The following CADPS2 variants were observed in gnomAD, a reference collection of about 807,000 sequenced individuals.
CADPS2 encodes the protein calcium dependent secretion activator 2.
In CADPS2, 93 loss-of-function variants were observed where a neutral mutation model predicts 172.5. The observed-to-expected ratio is 0.54, with a 90% CI of 0.46 to 0.64. CADPS2 has a LOEUF of 0.64. CADPS2 is among the 30% of genes least tolerant of loss of function. CADPS2 has a pLI of 0.00. For missense variants in CADPS2, 1,420 were observed against 1,565.9 expected (o/e 0.91, Z 1.57); for synonymous variants, 546 against 555.2 (o/e 0.98, Z 0.23).
At chr7:122,586,806 T>A (rs1483537758) in intron 6 of CADPS2, among the ~76,000 whole-genome samples, 2 of 152,012 alleles carry the variant, frequency 1.3e-5, no homozygotes, top group Non-Finnish European at 2.9e-5. Context: ...AAGAATCTAT[T>A]TCCTTTATAT....
intron 3 of CADPS2, among the ~76,000 whole-genome samples, chr7:122,663,006 T>C (rs1281987746): frequency 6.6e-6 from 1 of 152,148 alleles, no homozygotes; most frequent in Non-Finnish European, 1.5e-5. Context: ...GTAGGACACA[T>C]GGGGATGATT....
rs995881207 is a variant in CADPS2 at position 122,490,026 on chromosome 7, T to C, written c.1852+55A>G. The C allele has an allele frequency of 9.5e-6, 14 of 1,474,872 alleles. 1 individual carries two copies. The highest frequency in any genetic ancestry group is 1.3e-5 in the Non-Finnish European group (14 of 1,063,044). 91.4% of individuals were successfully genotyped at this position (1,474,872 alleles called of 1,614,324 possible). ...ATACTGAATACATTTGCCTCAATTT[T>C]ATATCTTATTAAGGCTATTAATTGA... On this transcript the variant is annotated intron_variant, in intron 11 of 29. Transcript: ENST00000449022.
chr7:122,789,894 T>A (rs1353469628), intron 1 of CADPS2, among the ~76,000 whole-genome samples: 4 of 152,098 alleles, frequency 2.6e-5, no homozygotes, highest in Non-Finnish European at 4.4e-5. Flanking sequence ...CAAATAAGCA[T>A]GTCATAGAAA....
chr7:122,831,749 A>T (rs2140615538), intron 1 of CADPS2, among the ~76,000 whole-genome samples: 1 of 152,284 alleles, frequency 6.6e-6, no homozygotes, highest in South Asian at 2.1e-4. Context: ...GTAAGAGGGG[A>T]CCATACAGAA....
At chr7:122,807,863 T>C (rs959618195) in intron 1 of CADPS2, among the ~76,000 whole-genome samples, 25 of 152,192 alleles carry the variant, frequency 1.6e-4, no homozygotes, top group Admixed American at 2.6e-4. Context: ...CAAAAAGGCC[T>C]CATTTTAATG....
chr7:122,838,635 C>A (rs957225573), intron 1 of CADPS2, among the ~76,000 whole-genome samples: 23 of 151,856 alleles, frequency 1.5e-4, no homozygotes, highest in African/African-American at 5.3e-4. Flanking sequence ...AAACCAATAA[C>A]AGACAAACAG....
At chr7:122,795,906 G>C (rs1009661242) in intron 1 of CADPS2, among the ~76,000 whole-genome samples, 1 of 152,126 alleles carries the variant, frequency 6.6e-6, no homozygotes, top group African/African-American at 2.4e-5. Context: ...AATAGGAAGA[G>C]AGAAAGTCAA....
chr7:122,412,075 T>C (rs965795795), intron 19 of CADPS2, among the ~76,000 whole-genome samples: 16 of 152,222 alleles, frequency 1.1e-4, no homozygotes, highest in Admixed American at 7.9e-4. Flanking sequence ...ACTGCTGAAA[T>C]GGGAATTCTA....
intron 1 of CADPS2, among the ~76,000 whole-genome samples, chr7:122,849,272 C>G (rs1812860171): frequency 6.6e-6 from 1 of 152,218 alleles, no homozygotes. Flanking sequence ...TCTCCTCAAT[C>G]TGTAAAATAT....
chr7:122,794,374 C>T (rs1268052150), intron 1 of CADPS2, among the ~76,000 whole-genome samples: 1 of 151,970 alleles, frequency 6.6e-6, no homozygotes, highest in Non-Finnish European at 1.5e-5. Flanking sequence ...GAGATTCTTT[C>T]CTCCACCTGG....
chr7:122,531,585 CTCAGT>C (rs908095531), intron 8 of CADPS2, among the ~76,000 whole-genome samples: 8 of 152,288 alleles, frequency 5.3e-5, no homozygotes, highest in African/African-American at 7.2e-5. Flanking sequence ...TAAAACTGGT[CTCAGT>C]TGAGTCTCAA....
intron 2 of CADPS2, among the ~76,000 whole-genome samples, chr7:122,697,508 C>G (rs1259344962): frequency 6.6e-6 from 1 of 151,944 alleles, no homozygotes; most frequent in Admixed American, 6.6e-5. Context: ...TAAGTTTGTC[C>G]TTAGCTTTAA....
chr7:122,856,071 T>G (rs556708621), intron 1 of CADPS2, among the ~76,000 whole-genome samples: 1 of 152,264 alleles, frequency 6.6e-6, no homozygotes, highest in African/African-American at 2.4e-5. Context: ...ATAGATACCT[T>G]TGCAGGCAGT....
intron 2 of CADPS2, among the ~76,000 whole-genome samples, chr7:122,723,536 T>C (rs2090727596): frequency 6.6e-6 from 1 of 152,124 alleles, no homozygotes; most frequent in South Asian, 2.1e-4. Flanking sequence ...CAACAGGTGC[T>C]GGAGAGGATG....
rs2089436462 is a variant in CADPS2, at chr7:122,715,345, A to T, written c.453+21610T>A. Among the ~76,000 whole-genome samples, 3 of 152,074 alleles carry T rather than the reference A, an allele frequency of 2.0e-5. No individual in the cohort carries two copies. In the South Asian group the frequency reaches 6.2e-4, roughly 32 times the overall value. On this transcript the variant is annotated intron_variant, in intron 2 of 29. Coordinates refer to ENST00000449022, the MANE Select transcript of CADPS2 (RefSeq NM_017954.11). ...TAGTTAGGACTGGTTAGGCCTCAGA[A>T]CCCTATCTCCTAGGTAAGGTTTCTC...
chr7:122,678,482 C>G (rs73719740), intron 2 of CADPS2, among the ~76,000 whole-genome samples: 2 of 152,042 alleles, frequency 1.3e-5, no homozygotes, highest in South Asian at 4.1e-4. Context: ...TTGGAGTTTA[C>G]GTTTTTTGTA....
intron 7 of CADPS2, among the ~76,000 whole-genome samples, chr7:122,570,755 T>C (rs983712060): frequency 4.0e-5 from 6 of 151,804 alleles, no homozygotes; most frequent in African/African-American, 1.2e-4. Flanking sequence ...AAATTGGAAA[T>C]CATCATTCTC....
At chr7:122,350,446 T>G (rs150724057) in intron 27 of CADPS2, among the ~76,000 whole-genome samples, 574 of 152,010 alleles carry the variant, frequency 3.8e-3, no homozygotes, top group African/African-American at 0.013. Context: ...AATAAAAATC[T>G]CCTGAAATTT....
At chr7:122,811,052 G>A (rs1292341632) in intron 1 of CADPS2, among the ~76,000 whole-genome samples, 2 of 152,150 alleles carry the variant, frequency 1.3e-5, no homozygotes, top group African/African-American at 4.8e-5. Flanking sequence ...GTCACGTTCT[G>A]ATAAACACAT....
Sources: gnomAD v4.1 joint callset for allele counts (sites outside exome capture counted in the v4.1 genomes callset) on GRCh38, gnomAD v4.1.1 for gene constraint, MANE v1.5 for transcripts, NCBI Gene and HGNC (gene_info 2026-07-23, HGNC 2026-07-21) for gene names.